The following ZNF573 variants were observed in gnomAD, a reference collection of about 807,000 sequenced individuals.
ZNF573 encodes the protein zinc finger protein 573.
A neutral mutation model predicts 57.4 loss-of-function variants in ZNF573; 41 were observed. That is an observed-to-expected ratio of 0.71 (90% confidence interval 0.56 to 0.93). The LOEUF is 0.93. Among genes scored for constraint, ZNF573 ranks in the 40% least tolerant of loss-of-function variants. The pLI, the probability that ZNF573 is intolerant of heterozygous loss-of-function variation, is 0.00. For synonymous variants in ZNF573, 249 were observed against 261.0 expected (o/e 0.95, Z 0.44); for missense variants, 730 against 794.8 (o/e 0.92, Z 0.98).
At chr19:37,753,411 A>G (rs369075167) in intron 4 of ZNF573, among the ~76,000 whole-genome samples, 2 of 152,130 alleles carry the variant, frequency 1.3e-5, no homozygotes, top group South Asian at 2.1e-4. Flanking sequence ...ATATACAATT[A>G]AATTATTATT....
At chr19:37,778,229 C>T (rs1287055277) in intron 1 of ZNF573, among the ~76,000 whole-genome samples, 1 of 146,736 alleles carries the variant, frequency 6.8e-6, no homozygotes, top group East Asian at 2.2e-4. Context: ...AAATAATCCA[C>T]ATAAGGCTGG....
At chr19:37,756,582 C>T (rs945438657) in intron 4 of ZNF573, among the ~76,000 whole-genome samples, 3 of 151,924 alleles carry the variant, frequency 2.0e-5, no homozygotes, top group Middle Eastern at 3.2e-3. Flanking sequence ...AAAACAGAGT[C>T]GCAATAACAT....
chr19:37,742,979 C>G (rs1280688992), intron 4 of ZNF573, among the ~76,000 whole-genome samples: 4 of 152,040 alleles, frequency 2.6e-5, no homozygotes, highest in African/African-American at 9.7e-5. Flanking sequence ...AAGTAAAAAC[C>G]AAACAACACA....
At chr19:37,767,598 C>T (rs1050317751) in intron 4 of ZNF573, among the ~76,000 whole-genome samples, 53 of 152,256 alleles carry the variant, frequency 3.5e-4, no homozygotes, top group African/African-American at 1.2e-3. Context: ...TTTGCTGGCT[C>T]TCTGAAATAA....
rs996046957 is a variant in ZNF573 at position 37,738,562 on chromosome 19, C to T, written c.1928G>A (p.Cys643Tyr). 1 of 1,587,232 alleles carries T rather than the reference C, an allele frequency of 6.3e-7. No homozygotes were observed. The highest frequency in any genetic ancestry group is 1.4e-5 in the African/African-American group (1 of 73,598). Residue 643 changes from cysteine (C) to tyrosine (Y), a missense_variant, in exon 5 of 5, where the codon TGT (cysteine) becomes TAT (tyrosine). Transcript: ENST00000536220. ...TGEKPYVCKQ[C>Y]GKTFRYGSAL... ...TGAACCATATCTGAAGGTTTTCCCA[C>T]ACTGCTTACACACATAGGGTTTCTC...
At chr19:37,741,556 A>G (rs768445516) in intron 4 of ZNF573, among the ~76,000 whole-genome samples, 17 of 152,220 alleles carry the variant, frequency 1.1e-4, no homozygotes, top group Non-Finnish European at 1.9e-4. Context: ...AATCTATCAC[A>G]TAAACCGGAC....
At chr19:37,744,847 T>C (rs2045365220) in intron 4 of ZNF573, among the ~76,000 whole-genome samples, 1 of 151,858 alleles carries the variant, frequency 6.6e-6, no homozygotes, top group Non-Finnish European at 1.5e-5. Context: ...AGTGGTGCGA[T>C]CTCGGCTCAC....
In ZNF573 at chr19:37,739,040, T is replaced by A. The variant is rs1486887523; in HGVS notation, c.1450A>T (p.Asn484Tyr). 3.7e-6 allele frequency: 6 copies of A among 1,613,352 alleles called. No individual in the cohort carries two copies. Among genetic ancestry groups the A allele is most frequent in the Non-Finnish European group, 5.1e-6 (6 of 1,179,774 alleles). The change falls in exon 5 of 5, where the codon AAC (asparagine) becomes TAC (tyrosine). Residue 484 changes from asparagine (N) to tyrosine (Y), a missense_variant. Coordinates refer to ENST00000536220, the MANE Select transcript of ZNF573 (RefSeq NM_001172690.2). ...TGAGTTTTCCGATGTTGAATAAGGT[T>A]TGAGCCAGTACTATAGGCCTTCCCA... ...ECGKAYSTGS[N>Y]LIQHRKTHTG...
chr19:37,753,661 G>A (rs1238550466), intron 4 of ZNF573, among the ~76,000 whole-genome samples: 1 of 152,090 alleles, frequency 6.6e-6, no homozygotes, highest in Admixed American at 6.6e-5. Flanking sequence ...AAGCCACTAT[G>A]TATACCAAGG....
chr19:37,774,738 C>T lies in ZNF573; in HGVS notation c.-22-987G>A, dbSNP rs192893738. On this transcript the variant is annotated intron_variant, in intron 1 of 4. Transcript: ENST00000536220. ...AGACAGACAAGCATTGAGGCACAGGCTATAGGACATCAATACATTGAGAAA... is the reference window on the plus strand; with the variant it reads ...AGACAGACAAGCATTGAGGCACAGGTTATAGGACATCAATACATTGAGAAA... Among the ~76,000 whole-genome samples the T allele has an allele frequency of 3.3e-5, 5 of 152,234 alleles. No individual in the cohort carries two copies. In the East Asian group the frequency reaches 9.7e-4, roughly 29 times the overall value.
At chr19:37,774,635 T>G (rs983975652) in intron 1 of ZNF573, among the ~76,000 whole-genome samples, 1 of 152,148 alleles carries the variant, frequency 6.6e-6, no homozygotes, top group South Asian at 2.1e-4. Flanking sequence ...TTTAATAAAA[T>G]TTAAAAATTT....
intron 4 of ZNF573, chr19:37,740,553 T>G (rs1346948529): frequency 2.2e-6 from 1 of 462,018 alleles, no homozygotes; most frequent in Non-Finnish European, 4.3e-6. Flanking sequence ...CAGGTCAGTG[T>G]TTAAGAATAC....
chr19:37,764,063 C>CAAAAAAAA (rs11333523), intron 4 of ZNF573, among the ~76,000 whole-genome samples: 2 of 105,728 alleles, frequency 1.9e-5, no homozygotes, highest in Non-Finnish European at 3.8e-5. Context: ...AACTCTGCCT[C>CAAAAAAAA]AAAAAAAAAA....
At chr19:37,772,945 T>A (rs976723757) in intron 2 of ZNF573, 1 of 985,252 alleles carries the variant, frequency 1.0e-6, no homozygotes, top group African/African-American at 1.7e-5. Flanking sequence ...TACCTTCATA[T>A]ACTTTGTTGG....
chr19:37,748,666 A>G (rs2045404454), intron 4 of ZNF573, among the ~76,000 whole-genome samples: 1 of 152,134 alleles, frequency 6.6e-6, no homozygotes. Flanking sequence ...ATGGTGGCTC[A>G]TGCCTTAACC....
chr19:37,768,376 T>G (rs747613897), intron 4 of ZNF573, among the ~76,000 whole-genome samples: 1 of 152,168 alleles, frequency 6.6e-6, no homozygotes, highest in Non-Finnish European at 1.5e-5. Context: ...ACTTTGGTGC[T>G]CCTCAAACTC....
At position 37,739,868 on chromosome 19, in the gene ZNF573, G is replaced by T; in HGVS notation, c.622C>A (p.His208Asn). 1.2e-6 allele frequency: 2 copies of T among 1,614,012 alleles called. No homozygotes were observed. The highest frequency in any genetic ancestry group is 1.7e-6 in the Non-Finnish European group (2 of 1,179,946). ...TTCTCACCAGTATGAAATCTCTGAT[G>T]CACAGTCAGCTGATAACCACTTCTA... ...NFRSGYQLTVHQRFHTGEKTY... is the reference protein window; with the variant it reads ...NFRSGYQLTVNQRFHTGEKTY... The change falls in exon 5 of 5, where the codon CAT becomes AAT. Residue 208 changes from histidine to asparagine, a missense_variant. By Grantham distance (68) the His-to-Asn change is moderately conservative (BLOSUM62 1). Transcript: ENST00000536220.
intron 4 of ZNF573, among the ~76,000 whole-genome samples, chr19:37,745,332 C>T (rs572770481): frequency 2.0e-5 from 3 of 151,978 alleles, no homozygotes; most frequent in Non-Finnish European, 4.4e-5. Flanking sequence ...TTCTGTCTGC[C>T]TCAGCCTCCC....
At chr19:37,764,203 A>G (rs2045579089) in intron 4 of ZNF573, among the ~76,000 whole-genome samples, 1 of 152,050 alleles carries the variant, frequency 6.6e-6, no homozygotes, top group African/African-American at 2.4e-5. Context: ...ATTAAACACC[A>G]TTTAGTTCTA....
Sources: allele counts gnomAD v4.1 joint callset (sites outside exome capture counted in the v4.1 genomes callset), GRCh38; gene constraint gnomAD v4.1.1; transcripts MANE v1.5; gene names NCBI Gene and HGNC (gene_info 2026-07-23, HGNC 2026-07-21).